The following TRPV1 variants were observed in gnomAD, a reference collection of about 807,000 sequenced individuals.
TRPV1 encodes the protein OTRPC1.
Under a neutral mutation model 82.3 loss-of-function variants are expected in TRPV1, and 82 were observed. The ratio of observed to expected loss-of-function variants is 1.00; its 90% confidence interval spans 0.83 to 1.20. The LOEUF is 1.20. Among genes scored for constraint, TRPV1 ranks in the 50% most tolerant of loss-of-function variants. TRPV1 has a pLI of 0.00. For synonymous variants in TRPV1, 515 were observed against 467.7 expected (o/e 1.10, Z -1.30); for missense variants, 1,067 against 1,096.8 (o/e 0.97, Z 0.38).
At chr17:3,605,392 C>A (rs1370058135) in intron 2 of TRPV1, among the ~76,000 whole-genome samples, 1 of 152,120 alleles carries the variant, frequency 6.6e-6, no homozygotes, top group East Asian at 1.9e-4. Context: ...CACCTGTAAT[C>A]CCAGCTACTC....
intron 16 of TRPV1, among the ~76,000 whole-genome samples, chr17:3,568,525 G>C (rs1359951290): frequency 6.6e-6 from 1 of 151,946 alleles, no homozygotes; most frequent in African/African-American, 2.4e-5. Context: ...AAAACCAATG[G>C]AACCCTCGAG....
chr17:3,580,934 G>T (rs982261345), intron 10 of TRPV1, among the ~76,000 whole-genome samples: 1 of 151,286 alleles, frequency 6.6e-6, no homozygotes, highest in Admixed American at 6.6e-5. Flanking sequence ...CAAGAAAATC[G>T]CTTGAACCCA....
At position 3,591,064 on chromosome 17, in the gene TRPV1, G is replaced by T; in HGVS notation, c.504C>A (p.Asp168Glu). ...GCAGGGGGATGGTGGTGTTCTGTCC[G>T]TCGTGCAGGTTGAGCATGGCTTTCA... Reference protein sequence around the residue: ...CLLKAMLNLHDGQNTTIPLLL... With the variant: ...CLLKAMLNLHEGQNTTIPLLL... Residue 168 changes from aspartate (D) to glutamate (E), a missense_variant, in exon 5 of 17, where the codon GAC becomes GAA. Physicochemically the swap from Asp to Glu is conservative, Grantham distance 45. Transcript: ENST00000572705. 6.2e-7 allele frequency: 1 copy of T among 1,613,122 alleles called. No homozygotes were observed. Among genetic ancestry groups the T allele is most frequent in the Non-Finnish European group, 8.5e-7 (1 of 1,179,606 alleles).
At chr17:3,579,947 G>T (rs1401451348) in intron 11 of TRPV1, among the ~76,000 whole-genome samples, 1 of 99,336 alleles carries the variant, frequency 1.0e-5, no homozygotes, top group Non-Finnish European at 2.6e-5. Context: ...CCAGGCGACT[G>T]GGGGATGGGG....
In TRPV1 at chr17:3,607,309, A is replaced by C. The variant is rs189030046; in HGVS notation, c.-34+1118T>G. Among the ~76,000 whole-genome samples, 1,072 of 151,602 alleles carry C rather than the reference A, an allele frequency of 7.1e-3. 28 individuals carry two copies. The highest frequency in any genetic ancestry group is 0.045 in the Middle Eastern group (13 of 292). On this transcript the variant is annotated intron_variant, in intron 2 of 16. Coordinates refer to ENST00000572705, the MANE Select transcript of TRPV1 (RefSeq NM_080704.4). Reference sequence around the variant, plus strand: ...CAGTGGGCTGAGATCGCACCACTGCACTCCAGCCTGGGCGACAGAGGGAGA... The same window carrying C: ...CAGTGGGCTGAGATCGCACCACTGCCCTCCAGCCTGGGCGACAGAGGGAGA...
chr17:3,576,668 A>AAAAAAAAAAAAATATATATATATAT, intron 13 of TRPV1, among the ~76,000 whole-genome samples: 2 of 38,414 alleles, frequency 5.2e-5, no homozygotes, highest in Non-Finnish European at 1.1e-4. Context: ...AAAAAAAAAA[A>AAAAAAAAAAAAATATATATATATAT]ATATATATAT....
In TRPV1 at chr17:3,592,384, C is replaced by T. The variant is rs1341643782; in HGVS notation, c.-33-1G>A. On this transcript the variant is annotated splice_acceptor_variant, in intron 2 of 16. Transcript: ENST00000572705. LOFTEE classifies it low-confidence loss of function (5UTR_SPLICE). ...GATCCTCTGTGGCCCAGTGTGCAAC[C>T]TGCAGCAGCCACCACGCCGGGGTTG... 4 of 1,557,736 alleles carry T rather than the reference C, an allele frequency of 2.6e-6. No homozygotes were observed. Among genetic ancestry groups the T allele is most frequent in the Non-Finnish European group, 3.5e-6 (4 of 1,151,240 alleles).
intron 7 of TRPV1, 111 bp from the exon 8 acceptor site, chr17:3,588,478 C>A (rs1409552138): frequency 4.0e-6 from 5 of 1,244,030 alleles, no homozygotes; most frequent in Non-Finnish European, 4.4e-6. Flanking sequence ...CACCTAAGCC[C>A]CAGGCGAGTC....
At chr17:3,577,845 C>A (rs1004312041) in intron 11 of TRPV1, 82 bp from the exon 12 acceptor site, 1 of 1,380,198 alleles carries the variant, frequency 7.2e-7, no homozygotes, top group South Asian at 1.3e-5. Flanking sequence ...ACAGGCCGCT[C>A]AGAGGTCCAG....
rs1445164557 is a variant in TRPV1, at chr17:3,609,328, A to C, written c.-192T>G. The C allele has an allele frequency of 6.7e-6, 1 of 148,504 alleles. No homozygotes were observed. The highest frequency in any genetic ancestry group is 1.5e-5 in the Non-Finnish European group (1 of 66,794). The allele number at this position is 148,504 out of a possible 1,614,324, so 9.2% of individuals were successfully genotyped here. On this transcript the variant is annotated 5_prime_UTR_variant, in exon 1 of 17. Coordinates refer to ENST00000572705, the MANE Select transcript of TRPV1 (RefSeq NM_080704.4). Reference sequence around the variant, plus strand: ...TCATACCTGTCATGGATACTGAGAGAGAGAGAGAGAGAGAGAGAGAGAATA... The same window carrying C: ...TCATACCTGTCATGGATACTGAGAGCGAGAGAGAGAGAGAGAGAGAGAATA...
At chr17:3,570,762 G>A (rs1374724833) in intron 16 of TRPV1, among the ~76,000 whole-genome samples, 1 of 152,124 alleles carries the variant, frequency 6.6e-6, no homozygotes, top group Non-Finnish European at 1.5e-5. Context: ...TGCCCCGGCT[G>A]GAGTGTAGTG....
Position 3,592,210 on chromosome 17 carries a change from G to T in TRPV1, c.141C>A (p.Thr47=). The change falls in exon 3 of 17, where the codon ACC becomes ACA. Residue 47 remains threonine (T), a synonymous_variant. Coordinates refer to ENST00000572705, the MANE Select transcript of TRPV1 (RefSeq NM_080704.4). ...KPQLSTAKSR[T]RLFGKGDSEE... The stretch of plus-strand genomic sequence containing the variant: ...CCGAGTCACCCTTCCCAAAGAGCCG[G>T]GTGCGGCTCTTGGCCGTGGAGAGCT... The T allele has an allele frequency of 2.5e-6, 4 of 1,613,048 alleles. No individual in the cohort carries two copies. Among genetic ancestry groups the T allele is most frequent in the Non-Finnish European group, 3.4e-6 (4 of 1,179,502 alleles).
intron 14 of TRPV1, among the ~76,000 whole-genome samples, chr17:3,572,984 G>GAAAAAA (rs137909617): frequency 1.4e-5 from 1 of 71,260 alleles, no homozygotes; most frequent in African/African-American, 5.3e-5. Flanking sequence ...CTCCATCTCA[G>GAAAAAA]AAAAAAAAAA....
Position 3,577,658 on chromosome 17 carries a change from G to A in TRPV1, c.1653C>T (p.Asn551=). The A allele has an allele frequency of 6.3e-7, 1 of 1,587,376 alleles. No homozygotes were observed. Among genetic ancestry groups the A allele is most frequent in the Non-Finnish European group, 8.6e-7 (1 of 1,167,232 alleles). ...MVFSLALGWT[N]MLYYTRGFQQ... is the part of the protein sequence containing the mutation. ...GGAAACCGCGGGTGTAGTAGAGCAT[G>A]TTGGTCCAGCCCAAGGCCAGGGAGA... Residue 551 remains asparagine, a synonymous_variant, in exon 12 of 17, where the codon AAC becomes AAT. Transcript: ENST00000572705.
In TRPV1 at chr17:3,588,462, T is replaced by C. The variant is rs796615292; in HGVS notation, c.1045-95A>G. On this transcript the variant is annotated intron_variant, in intron 7 of 16. Coordinates refer to ENST00000572705, the MANE Select transcript of TRPV1 (RefSeq NM_080704.4). ...CAGCTCTGCTTCCCAGCCCAGCTGG[T>C]GGCCCCACCTAAGCCCCAGGCGAGT... 1.3e-4 allele frequency: 182 copies of C among 1,402,386 alleles called. No individual in the cohort carries two copies. The African/African-American group carries it at 2.3e-3, about 17-fold the overall frequency. The allele number at this position is 1,402,386 out of a possible 1,614,324, so 86.9% of individuals were successfully genotyped here.
At position 3,566,947 on chromosome 17, in the gene TRPV1, A is replaced by G. The variant is rs1299845301; in HGVS notation, c.2388T>C (p.Leu796=). The change falls in exon 17 of 17, where the codon CTT becomes CTC. Residue 796 remains leucine, a synonymous_variant. Transcript: ENST00000572705. ...RHWKNFALVP[L]LREASARDRQ... ...TATCTCGAGCACTTGCCTCTCTTAA[A>G]AGGGGGACCAGGGCAAAGTTCTTCC... The G allele has an allele frequency of 2.5e-6, 4 of 1,613,958 alleles. No individual in the cohort carries two copies. The highest frequency in any genetic ancestry group is 2.2e-5 in the South Asian group (2 of 91,082).
chr17:3,601,832 T>G (rs886977737), intron 2 of TRPV1: 4 of 151,414 alleles, frequency 2.6e-5, no homozygotes, highest in African/African-American at 9.7e-5. Flanking sequence ...TGAGTTCACG[T>G]GATCCCCCAC....
rs535806829 is a variant in TRPV1, at chr17:3,605,742, C to T, written c.-34+2685G>A. Among the ~76,000 whole-genome samples, 4 of 152,244 alleles carry T rather than the reference C, an allele frequency of 2.6e-5. No individual in the cohort carries two copies. In the East Asian group the frequency reaches 7.7e-4, roughly 29 times the overall value. On this transcript the variant is annotated intron_variant, in intron 2 of 16. Coordinates refer to ENST00000572705, the MANE Select transcript of TRPV1 (RefSeq NM_080704.4). ...TCCTAGGGTCTGTTTATGTAACCAA[C>T]TGTTGGTATTTTTCCATTGCCTCGT...
At chr17:3,605,840 C>T (rs1410088706) in intron 2 of TRPV1, among the ~76,000 whole-genome samples, 1 of 152,162 alleles carries the variant, frequency 6.6e-6, no homozygotes, top group Admixed American at 6.5e-5. Context: ...AATGTGGCTG[C>T]CTGGGTCTGT....
Sources: gnomAD v4.1 joint callset for allele counts (sites outside exome capture counted in the v4.1 genomes callset) on GRCh38, gnomAD v4.1.1 for gene constraint, MANE v1.5 for transcripts, NCBI Gene and HGNC (gene_info 2026-07-23, HGNC 2026-07-21) for gene names.